Variants in GPC5 observed in about 807,000 individuals in gnomAD.
GPC5 encodes the protein glypican 5.
GPC5 carries 47 observed loss-of-function variants against 53.9 expected under a neutral mutation model. The observed-to-expected ratio is 0.87, with a 90% CI of 0.69 to 1.11. GPC5 has a LOEUF of 1.11. Ranked by LOEUF, GPC5 falls within the 50% of genes most tolerant of loss-of-function variation. GPC5 has a pLI of 0.00. For synonymous variants in GPC5, 286 were observed against 263.3 expected, an observed-to-expected ratio of 1.09 and a Z score of -0.84; for missense variants, 748 against 713.1, an observed-to-expected ratio of 1.05 and a Z score of -0.56.
chr13:91,591,497 G>C (rs1191521156), intron 2 of GPC5, among the ~76,000 whole-genome samples: 1 of 152,092 alleles, frequency 6.6e-6, no homozygotes, highest in African/African-American at 2.4e-5. Flanking sequence ...CATGCAATTA[G>C]GGGAATTTTC....
intron 5 of GPC5, among the ~76,000 whole-genome samples, chr13:91,865,163 C>T (rs1415733726): frequency 6.6e-6 from 1 of 152,024 alleles, no homozygotes; most frequent in Non-Finnish European, 1.5e-5. Context: ...CCTGCCTTGG[C>T]CTTCCAAAAT....
intron 7 of GPC5, among the ~76,000 whole-genome samples, chr13:92,706,332 C>T (rs1887951588): frequency 6.6e-6 from 1 of 151,764 alleles, no homozygotes; most frequent in Non-Finnish European, 1.5e-5. Flanking sequence ...ACTTCATTTT[C>T]ATTCTACCTT....
intron 6 of GPC5, among the ~76,000 whole-genome samples, chr13:92,036,020 C>T (rs72635404): frequency 6.6e-6 from 1 of 152,112 alleles, no homozygotes; most frequent in Non-Finnish European, 1.5e-5. Flanking sequence ...AACTGGCCCC[C>T]GGGGTTGTTT....
intron 6 of GPC5, among the ~76,000 whole-genome samples, chr13:91,976,591 A>C (rs2040304519): frequency 6.6e-6 from 1 of 152,168 alleles, no homozygotes; most frequent in African/African-American, 2.4e-5. Context: ...AGGAAGCAGG[A>C]GGTTGGTTTG....
intron 5 of GPC5, among the ~76,000 whole-genome samples, chr13:91,870,745 G>A (rs935909526): frequency 3.3e-5 from 5 of 152,252 alleles, no homozygotes. Flanking sequence ...AATTAATATA[G>A]CTCTCAGTAT....
Position 92,592,378 on chromosome 13 carries a change from G to T in GPC5, c.1562-273904G>T, listed in dbSNP as rs946492681. ...TCAAAGAAAGAAAGTGTTTCAAGAA[G>T]GAGACAAGCAGGTCTTCCTCCTGCT... On this transcript the variant is annotated intron_variant, in intron 7 of 7. Coordinates refer to ENST00000377067, the MANE Select transcript of GPC5 (RefSeq NM_004466.6). Among the ~76,000 whole-genome samples the T allele has an allele frequency of 5.9e-5, 9 of 151,410 alleles. 1 individual carries two copies. The highest frequency in any genetic ancestry group is 1.3e-4 in the Non-Finnish European group (9 of 67,700).
At chr13:91,488,698 C>G (rs563137755) in intron 2 of GPC5, among the ~76,000 whole-genome samples, 1 of 152,186 alleles carries the variant, frequency 6.6e-6, no homozygotes, top group South Asian at 2.1e-4. Flanking sequence ...TCTCAGGACC[C>G]TGTGATAATT....
intron 7 of GPC5, among the ~76,000 whole-genome samples, chr13:92,242,643 C>T (rs1198006412): frequency 2.6e-5 from 4 of 151,636 alleles, no homozygotes; most frequent in Admixed American, 6.6e-5. Flanking sequence ...TAAACTAGTC[C>T]CATTTAAACT....
At chr13:91,914,191 C>T (rs2039637031) in intron 6 of GPC5, among the ~76,000 whole-genome samples, 1 of 152,152 alleles carries the variant, frequency 6.6e-6, no homozygotes, top group Non-Finnish European at 1.5e-5. Flanking sequence ...AAAATCCTAA[C>T]TGCTGAGCAC....
chr13:92,015,427 T>C (rs2040698021), intron 6 of GPC5, among the ~76,000 whole-genome samples: 1 of 152,130 alleles, frequency 6.6e-6, no homozygotes, highest in South Asian at 2.1e-4. Flanking sequence ...AAATGAAACA[T>C]GCTACTGCAT....
chr13:91,953,150 T>C (rs889199441), intron 6 of GPC5, among the ~76,000 whole-genome samples: 10 of 152,178 alleles, frequency 6.6e-5, no homozygotes, highest in African/African-American at 2.4e-4. Flanking sequence ...TTACATGGCA[T>C]AGTTTTATCA....
intron 6 of GPC5, among the ~76,000 whole-genome samples, chr13:92,117,880 TGTC>T (rs1434941136): frequency 6.6e-6 from 1 of 152,196 alleles, no homozygotes; most frequent in African/African-American, 2.4e-5. Flanking sequence ...ACTGTTATGT[TGTC>T]TGAAAATAGA....
At position 91,514,699 on chromosome 13, in the gene GPC5, TATAC is replaced by T. The variant is rs1465616572; in HGVS notation, c.325+65778_325+65781del. Among the ~76,000 whole-genome samples the T allele has an allele frequency of 2.0e-5, 3 of 152,278 alleles. No individual in the cohort carries two copies. In the East Asian group the frequency reaches 5.8e-4, roughly 29 times the overall value. On this transcript the variant is annotated intron_variant, in intron 2 of 7. Transcript: ENST00000377067. ...AAGTCTTTCAAAATATGTACAATAT[TATAC>T]TTATCTCCTCATATCTCTATTCTCA...
At chr13:92,428,612 T>C (rs1439398631) in intron 7 of GPC5, among the ~76,000 whole-genome samples, 1 of 152,112 alleles carries the variant, frequency 6.6e-6, no homozygotes, top group Non-Finnish European at 1.5e-5. Context: ...AGCACTCCAA[T>C]GATCAGTTGG....
chr13:92,144,703 T>G (rs2041853864), intron 6 of GPC5, 127 bp from the exon 7 acceptor site: 3 of 830,682 alleles, frequency 3.6e-6, no homozygotes, highest in Non-Finnish European at 5.6e-6. Flanking sequence ...TCTTAAAGAC[T>G]TGACTTGGTG....
At chr13:92,651,857 A>G (rs956087019) in intron 7 of GPC5, among the ~76,000 whole-genome samples, 3 of 152,196 alleles carry the variant, frequency 2.0e-5, no homozygotes, top group African/African-American at 7.2e-5. Flanking sequence ...TTAAAGTAGT[A>G]TAATTATGCA....
intron 6 of GPC5, among the ~76,000 whole-genome samples, chr13:91,981,967 T>C (rs1197484548): frequency 6.6e-6 from 1 of 152,108 alleles, no homozygotes; most frequent in East Asian, 1.9e-4. Flanking sequence ...AGGAAGCAAG[T>C]TGGAAAGCGA....
At chr13:92,802,195 T>A (rs1876931133) in intron 7 of GPC5, among the ~76,000 whole-genome samples, 1 of 151,804 alleles carries the variant, frequency 6.6e-6, no homozygotes, top group Non-Finnish European at 1.5e-5. Flanking sequence ...TACTTACCAT[T>A]GCGTTACAAT....
chr13:92,476,201 AAAAC>A (rs1353482474), intron 7 of GPC5, among the ~76,000 whole-genome samples: 10 of 152,166 alleles, frequency 6.6e-5, no homozygotes, highest in Non-Finnish European at 1.0e-4. Flanking sequence ...TTACAAGAAA[AAAAC>A]AAACAACCCC....
Sources: gnomAD v4.1 joint callset for allele counts (sites outside exome capture counted in the v4.1 genomes callset) on GRCh38, gnomAD v4.1.1 for gene constraint, MANE v1.5 for transcripts, NCBI Gene and HGNC (gene_info 2026-07-23, HGNC 2026-07-21) for gene names.